The following MARCHF8 variants were observed in gnomAD, a reference collection of about 807,000 sequenced individuals.
MARCHF8 encodes E3 ubiquitin-protein ligase MARCHF8.
In MARCHF8, 40 loss-of-function variants were observed where a neutral mutation model predicts 51.6. The ratio of observed to expected loss-of-function variants is 0.77; its 90% CI spans 0.60 to 1.01. MARCHF8 has a LOEUF of 1.01. Ranked by LOEUF, MARCHF8 falls within the 50% of genes least tolerant of loss-of-function variation. MARCHF8 has a pLI of 0.00. For synonymous variants in MARCHF8, 263 were observed against 280.3 expected (o/e 0.94, Z 0.62); for missense variants, 685 against 708.6 (o/e 0.97, Z 0.38).
intron 2 of MARCHF8, among the ~76,000 whole-genome samples, chr10:45,496,198 T>C (rs2043172028): frequency 6.6e-6 from 1 of 152,200 alleles, no homozygotes; most frequent in Non-Finnish European, 1.5e-5. Context: ...TGAAAGCATG[T>C]ACTGCCAAAC....
At chr10:45,513,446 G>A (rs1464720273) in intron 2 of MARCHF8, among the ~76,000 whole-genome samples, 1 of 152,090 alleles carries the variant, frequency 6.6e-6, no homozygotes, top group East Asian at 1.9e-4. Context: ...CTGTTGTAGA[G>A]CTTATGAAAA....
intron 1 of MARCHF8, among the ~76,000 whole-genome samples, chr10:45,581,716 T>A (rs2044557347): frequency 6.6e-6 from 1 of 152,148 alleles, no homozygotes. Context: ...TAGCTGTGTA[T>A]CTCAACAGGC....
intron 3 of MARCHF8, among the ~76,000 whole-genome samples, chr10:45,483,990 A>T (rs1359567891): frequency 6.6e-6 from 1 of 152,182 alleles, no homozygotes; most frequent in Non-Finnish European, 1.5e-5. Context: ...AATGTTCAAT[A>T]ACAACAGAGT....
chr10:45,479,546 TA>T (rs1222908488), intron 3 of MARCHF8, among the ~76,000 whole-genome samples: 7 of 152,222 alleles, frequency 4.6e-5, no homozygotes, highest in African/African-American at 1.7e-4. Context: ...CAGTGGGAGA[TA>T]ACTGAATCAT....
intron 1 of MARCHF8, among the ~76,000 whole-genome samples, chr10:45,564,951 C>G (rs1192792995): frequency 7.4e-6 from 1 of 134,688 alleles, no homozygotes; most frequent in Non-Finnish European, 1.6e-5. Context: ...GGAAATTAAT[C>G]CCCAGCAAAT....
At chr10:45,539,553 C>T (rs1178170131), upstream of MARCHF8, among the ~76,000 whole-genome samples, 2 of 152,014 alleles carry the variant, frequency 1.3e-5, no homozygotes, top group Admixed American at 1.3e-4. Context: ...AAAAGATCAA[C>T]AAAATTGATA....
intron 3 of MARCHF8, among the ~76,000 whole-genome samples, chr10:45,477,620 C>T (rs1033360051): frequency 1.3e-5 from 2 of 152,122 alleles, no homozygotes; most frequent in African/African-American, 4.8e-5. Flanking sequence ...AAGACAGAGA[C>T]TGGCTGAATG....
rs956207876 is a variant in MARCHF8, at chr10:45,456,764, G to A, written c.*1475C>T. ...AGGTAACTATTTGCCTGGAAAACTA[G>A]GAAACTGGGTTTTAAAAACAGAATT... On this transcript the variant is annotated 3_prime_UTR_variant, in exon 8 of 8. Transcript: ENST00000453424. The A allele has an allele frequency of 2.0e-5, 3 of 152,224 alleles. No homozygotes were observed. Among genetic ancestry groups the A allele is most frequent in the African/African-American group, 7.2e-5 (3 of 41,434 alleles). The allele number at this position is 152,224 out of a possible 1,614,324, so 9.4% of individuals were successfully genotyped here.
chr10:45,491,463 TG>T (rs1408802278), intron 2 of MARCHF8, among the ~76,000 whole-genome samples: 1 of 152,084 alleles, frequency 6.6e-6, no homozygotes, highest in Non-Finnish European at 1.5e-5. Context: ...CGCTTGAAAC[TG>T]GGAGGCAGAG....
intron 1 of MARCHF8, among the ~76,000 whole-genome samples, chr10:45,556,937 T>C (rs1404499249): frequency 6.6e-6 from 1 of 152,080 alleles, no homozygotes; most frequent in African/African-American, 2.4e-5. Flanking sequence ...CATAAAAAAA[T>C]GGTTGTTTTT....
In MARCHF8 at chr10:45,462,736, C is replaced by T. The variant is rs538121510; in HGVS notation, c.1088+415G>A. ...CGCCTCCCGGGTTCAAGCAATTCTCCTGCCTCAGCCTCCTGAGTAGCTGGG... is the reference window on the plus strand; with the variant it reads ...CGCCTCCCGGGTTCAAGCAATTCTCTTGCCTCAGCCTCCTGAGTAGCTGGG... On this transcript the variant is annotated intron_variant, in intron 5 of 7. Coordinates refer to ENST00000453424, the MANE Select transcript of MARCHF8 (RefSeq NM_001282866.2). Among the ~76,000 whole-genome samples the T allele has an allele frequency of 3.9e-5, 6 of 152,182 alleles. No homozygotes were observed. The East Asian group carries it at 5.8e-4, about 15-fold the overall frequency.
chr10:45,500,369 G>C (rs968735380), intron 2 of MARCHF8, among the ~76,000 whole-genome samples: 2 of 151,988 alleles, frequency 1.3e-5, no homozygotes, highest in Non-Finnish European at 2.9e-5. Context: ...AAAAAATTTT[G>C]TCATATGTAA....
rs369983458 is a variant in MARCHF8, at chr10:45,492,276, T to TTTC, written c.103-2862_103-2860dup. Among the ~76,000 whole-genome samples, 171 of 151,978 alleles carry TTTC rather than the reference T, an allele frequency of 1.1e-3. 1 individual carries two copies. In the East Asian group the frequency reaches 0.018, roughly 16 times the overall value. ...TTTTCCCCCAATAAACACTGCTCTT[T>TTTC]TTCTTCTTCTTCTTCTTCTTCTTTT... On this transcript the variant is annotated intron_variant, in intron 2 of 7. Coordinates refer to ENST00000453424, the MANE Select transcript of MARCHF8 (RefSeq NM_001282866.2).
chr10:45,476,451 C>T (rs1324241962), intron 3 of MARCHF8, among the ~76,000 whole-genome samples: 2 of 151,942 alleles, frequency 1.3e-5, no homozygotes, highest in Non-Finnish European at 2.9e-5. Context: ...GCCTGTAGGC[C>T]CAGCTACTCA....
chr10:45,510,809 G>C (rs1173577262), intron 2 of MARCHF8, among the ~76,000 whole-genome samples: 1 of 152,144 alleles, frequency 6.6e-6, no homozygotes, highest in Non-Finnish European at 1.5e-5. Context: ...AGGGTCTCTG[G>C]ATTTCAGCTT....
At chr10:45,507,487 A>C (rs916014486) in intron 2 of MARCHF8, among the ~76,000 whole-genome samples, 4 of 152,188 alleles carry the variant, frequency 2.6e-5, no homozygotes, top group Admixed American at 6.5e-5. Context: ...CAGAGATTAC[A>C]AGGTGAGAGG....
intron 2 of MARCHF8, among the ~76,000 whole-genome samples, chr10:45,494,777 G>A (rs2043141831): frequency 6.6e-6 from 1 of 152,164 alleles, no homozygotes; most frequent in African/African-American, 2.4e-5. Context: ...GAAGAAGATA[G>A]TTACTAGAAG....
chr10:45,514,377 T>G (rs964060557), intron 2 of MARCHF8, among the ~76,000 whole-genome samples: 2 of 152,358 alleles, frequency 1.3e-5, no homozygotes, highest in Admixed American at 1.3e-4. Flanking sequence ...GTGCGCTCAG[T>G]GCAGCGCTTC....
At chr10:45,501,843 A>G (rs1405831393) in intron 2 of MARCHF8, among the ~76,000 whole-genome samples, 1 of 152,184 alleles carries the variant, frequency 6.6e-6, no homozygotes, top group Non-Finnish European at 1.5e-5. Flanking sequence ...GGGACATCTT[A>G]ATGAATAGGA....
Sources: gnomAD v4.1 joint callset for allele counts (sites outside exome capture counted in the v4.1 genomes callset) on GRCh38, gnomAD v4.1.1 for gene constraint, MANE v1.5 for transcripts, NCBI Gene and HGNC (gene_info 2026-07-23, HGNC 2026-07-21) for gene names.